GOLGA5: variants seen among roughly 807,000 people sequenced by gnomAD.
GOLGA5 encodes the protein golgin subfamily A member 5.
In GOLGA5, 50 loss-of-function variants were observed where a neutral mutation model predicts 93.5. That is an observed-to-expected ratio of 0.53 (90% CI 0.43 to 0.68). GOLGA5 has a LOEUF of 0.68. GOLGA5 is among the 30% of genes least tolerant of loss of function. The pLI is 0.00. For synonymous variants in GOLGA5, 312 were observed against 304.5 expected (o/e 1.02, Z -0.26); for missense variants, 760 against 856.4 (o/e 0.89, Z 1.40).
chr14:92,824,196 A>AGTTT (rs199933966), intron 8 of GOLGA5, among the ~76,000 whole-genome samples: 485 of 152,120 alleles, frequency 3.2e-3, no homozygotes, highest in Middle Eastern at 0.014. Flanking sequence ...TATTTTTTCC[A>AGTTT]GTTGTCATAT....
chr14:92,830,433 T>C lies in GOLGA5; in HGVS notation c.1720-2689T>C, dbSNP rs558699357. ...TTTTTTTTTTTTAGCTTATCAGATA[T>C]CATTAGTGTTAGTGTATTTTGTGTG... On this transcript the variant is annotated intron_variant, in intron 9 of 12. Transcript: ENST00000163416. Among the ~76,000 whole-genome samples the C allele has an allele frequency of 5.9e-5, 9 of 151,628 alleles. No homozygotes were observed. The South Asian group carries it at 1.9e-3, about 32-fold the overall frequency.
intron 11 of GOLGA5, among the ~76,000 whole-genome samples, chr14:92,836,341 G>A (rs1885641180): frequency 6.6e-6 from 1 of 152,074 alleles, no homozygotes; most frequent in African/African-American, 2.4e-5. Context: ...TTGAGCTATT[G>A]TATTAAAAAT....
chr14:92,828,941 T>G (rs975506089), intron 9 of GOLGA5, among the ~76,000 whole-genome samples: 1 of 152,198 alleles, frequency 6.6e-6, no homozygotes. Context: ...GTGCTGAGAT[T>G]ACAGGCATGA....
chr14:92,831,947 G>A (rs900687309), intron 9 of GOLGA5, among the ~76,000 whole-genome samples: 27 of 152,312 alleles, frequency 1.8e-4, no homozygotes, highest in African/African-American at 6.5e-4. Flanking sequence ...CCAAGATACT[G>A]TAGCTAGGAA....
intron 2 of GOLGA5, 51 bp from the exon 3 acceptor site, chr14:92,806,685 C>T (rs770255231): frequency 9.4e-6 from 11 of 1,175,288 alleles, no homozygotes; most frequent in Non-Finnish European, 1.4e-5. Flanking sequence ...GTTGTTAATG[C>T]ATATGTGATG....
intron 7 of GOLGA5, among the ~76,000 whole-genome samples, 157 bp from the exon 8 acceptor site, chr14:92,819,551 T>C (rs1344853041): frequency 6.6e-6 from 1 of 152,028 alleles, no homozygotes; most frequent in African/African-American, 2.4e-5. Flanking sequence ...AGGATCCCCT[T>C]GAGCCCAGGA....
At chr14:92,837,744 T>C (rs1595607507) in intron 12 of GOLGA5, among the ~76,000 whole-genome samples, 1 of 151,936 alleles carries the variant, frequency 6.6e-6, no homozygotes, top group Admixed American at 6.6e-5. Flanking sequence ...TTGTATTTTT[T>C]GTAGAGACAG....
chr14:92,826,697 CAAA>C (rs200131503), intron 9 of GOLGA5, among the ~76,000 whole-genome samples: 5 of 101,048 alleles, frequency 4.9e-5, no homozygotes, highest in Non-Finnish European at 4.1e-5. Flanking sequence ...GACTCTATCT[CAAA>C]AAAAAAAAAA....
intron 9 of GOLGA5, among the ~76,000 whole-genome samples, chr14:92,829,076 C>G (rs752976786): frequency 2.6e-5 from 4 of 152,174 alleles, no homozygotes; most frequent in African/African-American, 9.7e-5. Context: ...GTGATCCTCC[C>G]ACTTCAGCTT....
chr14:92,815,940 C>T (rs1885194820), intron 6 of GOLGA5, among the ~76,000 whole-genome samples: 1 of 151,838 alleles, frequency 6.6e-6, no homozygotes. Context: ...CTCCTGACCT[C>T]GTGATCCGCC....
At chr14:92,838,241 A>G (rs1046766633) in intron 12 of GOLGA5, among the ~76,000 whole-genome samples, 7 of 152,114 alleles carry the variant, frequency 4.6e-5, no homozygotes, top group African/African-American at 1.7e-4. Flanking sequence ...AACTATTTGG[A>G]GTGGGTATGT....
rs1885562719 is a variant in GOLGA5 at position 92,833,069 on chromosome 14, T to C, written c.1720-53T>C. Reference sequence around the variant, plus strand: ...TGAAAATGTAGTAGTGTGATTTCTGTATTGTATGACTTTCATTTTATGTAA... The same window carrying C: ...TGAAAATGTAGTAGTGTGATTTCTGCATTGTATGACTTTCATTTTATGTAA... On this transcript the variant is annotated intron_variant, in intron 9 of 12. Coordinates refer to ENST00000163416, the MANE Select transcript of GOLGA5 (RefSeq NM_005113.4). 3.1e-6 allele frequency: 3 copies of C among 963,880 alleles called. No homozygotes were observed. In the East Asian group the frequency reaches 7.2e-5, roughly 23 times the overall value. 59.7% of individuals were successfully genotyped at this position (963,880 alleles called of 1,614,324 possible). A position where few individuals can be genotyped will look rare whatever the true frequency, so the allele number is the denominator to read the frequency against.
intron 9 of GOLGA5, among the ~76,000 whole-genome samples, chr14:92,827,785 G>A (rs1398581577): frequency 6.6e-6 from 1 of 152,186 alleles, no homozygotes; most frequent in Non-Finnish European, 1.5e-5. Flanking sequence ...GTGAACATAC[G>A]AATGATAAGA....
intron 2 of GOLGA5, among the ~76,000 whole-genome samples, chr14:92,806,449 A>G (rs1378050264): frequency 6.6e-6 from 1 of 152,176 alleles, no homozygotes; most frequent in African/African-American, 2.4e-5. Flanking sequence ...AGTAGCTGGC[A>G]CTACAGGTGT....
intron 3 of GOLGA5, among the ~76,000 whole-genome samples, chr14:92,807,206 G>A (rs990430909): frequency 3.3e-5 from 5 of 152,272 alleles, no homozygotes; most frequent in Non-Finnish European, 7.4e-5. Context: ...GGAGGCTGAG[G>A]CAGGGGAGTT....
chr14:92,804,495 T>C (rs146454362), intron 2 of GOLGA5, among the ~76,000 whole-genome samples: 1 of 152,034 alleles, frequency 6.6e-6, no homozygotes, highest in Non-Finnish European at 1.5e-5. Flanking sequence ...CCCTCCCATT[T>C]CCCATCACTT....
intron 2 of GOLGA5, 92 bp downstream of exon 2, chr14:92,798,073 A>G (rs1311341500): frequency 3.5e-6 from 3 of 859,094 alleles, no homozygotes; most frequent in South Asian, 1.7e-5. Flanking sequence ...ACTGTTATGG[A>G]ATCTGTCTCC....
chr14:92,814,068 G>T (rs192786209), intron 6 of GOLGA5, among the ~76,000 whole-genome samples: 1 of 152,062 alleles, frequency 6.6e-6, no homozygotes, highest in Non-Finnish European at 1.5e-5. Flanking sequence ...AGAGTATGAC[G>T]AATTATGGTA....
intron 6 of GOLGA5, among the ~76,000 whole-genome samples, chr14:92,815,312 C>T (rs767383338): frequency 6.6e-6 from 1 of 152,208 alleles, no homozygotes; most frequent in Non-Finnish European, 1.5e-5. Flanking sequence ...TCTCCTCTTA[C>T]CCAGAAGTGG....
Sources: gnomAD v4.1 joint callset for allele counts (sites outside exome capture counted in the v4.1 genomes callset) on GRCh38, gnomAD v4.1.1 for gene constraint, MANE v1.5 for transcripts, NCBI Gene and HGNC (gene_info 2026-07-23, HGNC 2026-07-21) for gene names.